Variants in ERCC6L2 observed in about 807,000 individuals in gnomAD.
The protein encoded by ERCC6L2 is ERCC excision repair 6 like 2.
Under a neutral mutation model 132.0 loss-of-function variants are expected in ERCC6L2, and 77 were observed. The observed-to-expected ratio is 0.58, with a 90% CI of 0.49 to 0.71. ERCC6L2 has a LOEUF of 0.71. Among genes scored for constraint, ERCC6L2 ranks in the 30% least tolerant of loss-of-function variants. The probability of loss-of-function intolerance (pLI) is 0.00; values close to 1 mark genes in which losing one functional copy is unlikely to be tolerated. For synonymous variants in ERCC6L2, 583 were observed against 632.4 expected, an observed-to-expected ratio of 0.92 and a Z score of 1.17; for missense variants, 1,542 against 1,837.6, an observed-to-expected ratio of 0.84 and a Z score of 2.94.
At chr9:96,018,611 C>T (rs1229280727), downstream of ERCC6L2, among the ~76,000 whole-genome samples, 1 of 149,974 alleles carries the variant, frequency 6.7e-6, no homozygotes, top group Non-Finnish European at 1.5e-5. Context: ...CAGATGTGCA[C>T]CACCCTGCCC....
chr9:95,993,077 A>G (rs1332205839), intron 17 of ERCC6L2, among the ~76,000 whole-genome samples: 1 of 152,190 alleles, frequency 6.6e-6, no homozygotes, highest in African/African-American at 2.4e-5. Context: ...TATAAAGACT[A>G]GTAGAATTGT....
chr9:96,023,084 C>A (rs1199747562), downstream of ERCC6L2, among the ~76,000 whole-genome samples: 1 of 152,118 alleles, frequency 6.6e-6, no homozygotes, highest in Non-Finnish European at 1.5e-5. Flanking sequence ...CAGGGGTCAG[C>A]AGTGGTCTCC....
intron 18 of ERCC6L2, among the ~76,000 whole-genome samples, chr9:96,009,484 T>C (rs769264911): frequency 5.3e-5 from 8 of 152,224 alleles, no homozygotes; most frequent in Non-Finnish European, 8.8e-5. Flanking sequence ...TTAGGTGTGT[T>C]CCACCTCCCT....
chr9:96,027,534 A>C (rs1834395917), intron 19 of ERCC6L2: 1 of 152,018 alleles, frequency 6.6e-6, no homozygotes, highest in African/African-American at 2.4e-5. Context: ...GGCGGAACCG[A>C]AGGCCCCCGC....
intron 16 of ERCC6L2, among the ~76,000 whole-genome samples, chr9:95,974,131 T>C (rs564800202): frequency 1.3e-5 from 2 of 152,332 alleles, no homozygotes; most frequent in Admixed American, 6.5e-5. Flanking sequence ...TTAATACCTA[T>C]ACTTATTTAT....
At chr9:95,988,652 A>T (rs1163576664) in intron 17 of ERCC6L2, among the ~76,000 whole-genome samples, 1 of 152,162 alleles carries the variant, frequency 6.6e-6, no homozygotes, top group Non-Finnish European at 1.5e-5. Flanking sequence ...GTGGGAAAAA[A>T]AATCACCCTG....
intron 2 of ERCC6L2, among the ~76,000 whole-genome samples, chr9:95,890,079 A>G (rs1248310102): frequency 6.6e-6 from 1 of 152,014 alleles, no homozygotes; most frequent in African/African-American, 2.4e-5. Context: ...TCTCCTAACT[A>G]CCTCTTCCCT....
intron 2 of ERCC6L2, among the ~76,000 whole-genome samples, chr9:95,884,782 C>T (rs1213758140): frequency 6.6e-6 from 1 of 152,066 alleles, no homozygotes; most frequent in East Asian, 1.9e-4. Context: ...TAGGTGAAGA[C>T]GTGGACATAG....
intron 17 of ERCC6L2, among the ~76,000 whole-genome samples, chr9:95,990,322 C>T (rs977155725): frequency 9.2e-5 from 14 of 152,214 alleles, no homozygotes; most frequent in African/African-American, 3.1e-4. Flanking sequence ...AATTTGCCAA[C>T]ATGAAGGTAT....
At chr9:96,032,576 T>G (rs1410400011) in intron 19 of ERCC6L2, among the ~76,000 whole-genome samples, 1 of 152,150 alleles carries the variant, frequency 6.6e-6, no homozygotes, top group Non-Finnish European at 1.5e-5. Flanking sequence ...CTTTGGTGGG[T>G]GTCCTCCAGG....
chr9:95,881,246 G>A lies in ERCC6L2; in HGVS notation c.424G>A (p.Gly142Arg), dbSNP rs372469673. 4.4e-6 allele frequency: 7 copies of A among 1,585,860 alleles called. No individual in the cohort carries two copies. Among genetic ancestry groups the A allele is most frequent in the Non-Finnish European group, 6.0e-6 (7 of 1,172,528 alleles). ...TCTTTATGGACACTACATCCATGGAGGAGGGTGCATTCTGGGTGATGACAT... is the reference window on the plus strand; with the variant it reads ...TCTTTATGGACACTACATCCATGGAAGAGGGTGCATTCTGGGTGATGACAT... The part of the protein sequence containing the change: ...RFLYGHYIHG[G>R]GCILGDDMGL... The change falls in exon 2 of 19, where the codon GGA (glycine) becomes AGA (arginine). Residue 142 changes from glycine (G) to arginine (R), a missense_variant. Coordinates refer to ENST00000653738, the MANE Select transcript of ERCC6L2 (RefSeq NM_020207.7).
At chr9:95,999,873 TCTATTA>T (rs1833599457) in intron 17 of ERCC6L2, among the ~76,000 whole-genome samples, 1 of 147,394 alleles carries the variant, frequency 6.8e-6, no homozygotes, top group Non-Finnish European at 1.5e-5. Flanking sequence ...CATTTTTCTT[TCTATTA>T]ATGTTTTAAG....
chr9:96,026,725 AACACACCAC>A (rs1012184617), intron 19 of ERCC6L2, among the ~76,000 whole-genome samples: 10 of 129,194 alleles, frequency 7.7e-5, no homozygotes, highest in African/African-American at 3.0e-4. Flanking sequence ...CCACACACCA[AACACACCAC>A]ACCACACACA....
In ERCC6L2 at chr9:95,972,368, A is replaced by G. The variant is rs1380822593; in HGVS notation, c.2617A>G (p.Asn873Asp). The change falls in exon 16 of 19, where the codon AAT (asparagine) becomes GAT (aspartate). Residue 873 changes from asparagine to aspartate, a missense_variant. Asn to Asp is a conservative substitution (Grantham distance 23). Transcript: ENST00000653738. ...TAAAAGTGAGAAGATTTTAGAACAG[A>G]ATATTTCTTCCAAGTCTGACGAGAA... ...FYKSEKILEQ[N>D]ISSKSDEKKI... The G allele has an allele frequency of 7.8e-7, 1 of 1,281,828 alleles. No individual in the cohort carries two copies. The highest frequency in any genetic ancestry group is 1.5e-5 in the African/African-American group (1 of 64,756). 79.4% of individuals were successfully genotyped at this position (1,281,828 alleles called of 1,614,324 possible). A position where few individuals can be genotyped will look rare whatever the true frequency, so the allele number is the denominator to read the frequency against.
chr9:96,033,044 A>G (rs1834480239), intron 19 of ERCC6L2, among the ~76,000 whole-genome samples: 1 of 152,210 alleles, frequency 6.6e-6, no homozygotes, highest in East Asian at 1.9e-4. Context: ...GCTTTCATGG[A>G]AAGTGCTTAA....
At chr9:95,914,613 A>G (rs911627892) in intron 4 of ERCC6L2, among the ~76,000 whole-genome samples, 8 of 152,138 alleles carry the variant, frequency 5.3e-5, no homozygotes, top group African/African-American at 1.9e-4. Flanking sequence ...CAGCCTCCCA[A>G]AGTGCTGGGA....
intron 7 of ERCC6L2, among the ~76,000 whole-genome samples, chr9:95,922,029 A>T (rs1207251584): frequency 6.6e-6 from 1 of 152,222 alleles, no homozygotes; most frequent in Non-Finnish European, 1.5e-5. Flanking sequence ...CGTAACAGCA[A>T]CATTTCCATC....
chr9:95,892,191 G>A (rs1308238600), intron 2 of ERCC6L2, among the ~76,000 whole-genome samples: 1 of 151,646 alleles, frequency 6.6e-6, no homozygotes, highest in Non-Finnish European at 1.5e-5. Context: ...ATCTTTTTAT[G>A]TTGGTACATA....
intron 17 of ERCC6L2, among the ~76,000 whole-genome samples, chr9:95,980,072 A>T (rs1343396117): frequency 6.6e-6 from 1 of 152,226 alleles, no homozygotes; most frequent in Non-Finnish European, 1.5e-5. Context: ...AATTTCTGCA[A>T]CAATTGATCT....
Sources: gnomAD v4.1 joint callset for allele counts (sites outside exome capture counted in the v4.1 genomes callset) on GRCh38, gnomAD v4.1.1 for gene constraint, MANE v1.5 for transcripts, NCBI Gene and HGNC (gene_info 2026-07-23, HGNC 2026-07-21) for gene names.